Variants in EXOC6B observed in about 807,000 individuals in gnomAD.
EXOC6B encodes the protein SEC15 homolog B.
Under a neutral mutation model 113.5 loss-of-function variants are expected in EXOC6B, and 54 were observed. The observed-to-expected ratio is 0.48, with a 90% CI of 0.38 to 0.60. EXOC6B has a LOEUF of 0.60. EXOC6B is among the 20% of genes least tolerant of loss of function. EXOC6B has a pLI of 0.00. For synonymous variants in EXOC6B, 357 were observed against 339.0 expected (o/e 1.05, Z -0.58); for missense variants, 797 against 977.5 (o/e 0.82, Z 2.46).
At position 72,209,723 on chromosome 2, in the gene EXOC6B, T is replaced by G. The variant is rs1039712420; in HGVS notation, c.2197-25536A>C. Among the ~76,000 whole-genome samples the G allele has an allele frequency of 5.9e-5, 9 of 152,232 alleles. 1 individual carries two copies. Among genetic ancestry groups the G allele is most frequent in the Non-Finnish European group, 1.3e-4 (9 of 68,050 alleles). On this transcript the variant is annotated intron_variant, in intron 20 of 21. Transcript: ENST00000272427. ...AAAAACTGGGCTTTTGTTACATTTCTGATCACTATAGCATTTTTTGCTTAA... is the reference window on the plus strand; with the variant it reads ...AAAAACTGGGCTTTTGTTACATTTCGGATCACTATAGCATTTTTTGCTTAA...
chr2:72,783,186 G>T (rs990408669), intron 1 of EXOC6B, among the ~76,000 whole-genome samples: 53 of 142,946 alleles, frequency 3.7e-4, no homozygotes, highest in African/African-American at 6.8e-4. Context: ...GTTTGTTGGG[G>T]TTTTTTTTTT....
At position 72,642,300 on chromosome 2, in the gene EXOC6B, C is replaced by T. The variant is rs574565819; in HGVS notation, c.670-66632G>A. 4.9e-5 allele frequency among the ~76,000 whole-genome samples: 7 copies of T among 142,154 alleles called. No homozygotes were observed. In the East Asian group the frequency reaches 1.4e-3, roughly 29 times the overall value. 93.3% of individuals were successfully genotyped at this position (142,154 alleles called of 152,430 possible). A position where few individuals can be genotyped will look rare whatever the true frequency, so the allele number is the denominator to read the frequency against. On this transcript the variant is annotated intron_variant, in intron 6 of 21. Coordinates refer to ENST00000272427, the MANE Select transcript of EXOC6B (RefSeq NM_015189.3). ...TATGGAACCAAAAAAGAGCCCGCAT[C>T]GCCAAGTCAATCCTAAGCCAAAAGA...
intron 21 of EXOC6B, among the ~76,000 whole-genome samples, chr2:72,182,698 G>A (rs1678168693): frequency 6.6e-6 from 1 of 152,158 alleles, no homozygotes; most frequent in African/African-American, 2.4e-5. Flanking sequence ...GAATTAGTAA[G>A]CCAAGGGTCA....
chr2:72,686,502 A>G (rs1305862938), intron 6 of EXOC6B, among the ~76,000 whole-genome samples: 1 of 152,230 alleles, frequency 6.6e-6, no homozygotes, highest in African/African-American at 2.4e-5. Context: ...CAACTTATGA[A>G]TAAGGTACAG....
chr2:72,498,638 A>G (rs1700168376), intron 12 of EXOC6B, 87 bp from the exon 13 acceptor site: 3 of 708,356 alleles, frequency 4.2e-6, no homozygotes, highest in Non-Finnish European at 6.8e-6. Flanking sequence ...TGAGAGGGAT[A>G]AGATACTGAA....
At chr2:72,612,508 C>T (rs1671138435) in intron 6 of EXOC6B, among the ~76,000 whole-genome samples, 1 of 152,066 alleles carries the variant, frequency 6.6e-6, no homozygotes, top group East Asian at 1.9e-4. Flanking sequence ...AAAAAAATCA[C>T]ATTTTGAGAT....
intron 1 of EXOC6B, among the ~76,000 whole-genome samples, chr2:72,813,304 G>C (rs1686025061): frequency 1.3e-5 from 2 of 152,044 alleles, no homozygotes; most frequent in Admixed American, 1.3e-4. Flanking sequence ...GCCTAGGCTG[G>C]TCTCAAACTC....
At chr2:72,426,803 T>C (rs1695223501) in intron 18 of EXOC6B, among the ~76,000 whole-genome samples, 1 of 152,234 alleles carries the variant, frequency 6.6e-6, no homozygotes, top group African/African-American at 2.4e-5. Flanking sequence ...TTAGTTCAAA[T>C]ATTATCAATG....
rs1670143681 is a variant in EXOC6B at position 72,597,476 on chromosome 2, T to C, written c.670-21808A>G. ...TGCTGAGAGGGAAAATGGAATTCTATAAAATACTCAATTAAAAACCATAAA... is the reference window on the plus strand; with the variant it reads ...TGCTGAGAGGGAAAATGGAATTCTACAAAATACTCAATTAAAAACCATAAA... On this transcript the variant is annotated intron_variant, in intron 6 of 21. Transcript: ENST00000272427. 1.3e-5 allele frequency among the ~76,000 whole-genome samples: 2 copies of C among 151,696 alleles called. 1 individual carries two copies. The highest frequency in any genetic ancestry group is 4.2e-4 in the South Asian group (2 of 4,808).
chr2:72,384,077 A>T (rs1691850178), intron 18 of EXOC6B, among the ~76,000 whole-genome samples: 1 of 152,128 alleles, frequency 6.6e-6, no homozygotes, highest in South Asian at 2.1e-4. Context: ...TGATGACATA[A>T]TCTGTACACC....
At chr2:72,414,282 A>C (rs1227581055) in intron 18 of EXOC6B, among the ~76,000 whole-genome samples, 1 of 152,194 alleles carries the variant, frequency 6.6e-6, no homozygotes, top group Non-Finnish European at 1.5e-5. Context: ...ATTTTTCTAA[A>C]GTCCCATAAC....
At chr2:72,559,306 TG>T (rs1368333214) in intron 8 of EXOC6B, 146 bp downstream of exon 8, 1 of 468,268 alleles carries the variant, frequency 2.1e-6, no homozygotes, top group African/African-American at 2.0e-5. Context: ...GATTCAAAAT[TG>T]TTTTTTATAA....
intron 7 of EXOC6B, among the ~76,000 whole-genome samples, chr2:72,569,770 T>C (rs565807235): frequency 6.6e-6 from 1 of 152,296 alleles, no homozygotes; most frequent in East Asian, 1.9e-4. Context: ...TTACTGTCAA[T>C]AGAAAGTTTT....
At chr2:72,484,947 T>G (rs981786678) in intron 16 of EXOC6B, among the ~76,000 whole-genome samples, 2 of 152,224 alleles carry the variant, frequency 1.3e-5, no homozygotes, top group African/African-American at 4.8e-5. Context: ...TGTGTCTTTA[T>G]AGTAGAATGA....
intron 20 of EXOC6B, among the ~76,000 whole-genome samples, chr2:72,235,365 G>C (rs1022458142): frequency 6.6e-6 from 1 of 151,964 alleles, no homozygotes; most frequent in South Asian, 2.1e-4. Context: ...AAGTACACAC[G>C]GACACAAAGA....
At chr2:72,411,033 A>G (rs1034823021) in intron 18 of EXOC6B, among the ~76,000 whole-genome samples, 2 of 152,134 alleles carry the variant, frequency 1.3e-5, no homozygotes, top group African/African-American at 4.8e-5. Context: ...ACATAGTGAA[A>G]CCCTGTCTCT....
At chr2:72,755,446 C>T (rs1325528433) in intron 1 of EXOC6B, among the ~76,000 whole-genome samples, 1 of 152,112 alleles carries the variant, frequency 6.6e-6, no homozygotes, top group African/African-American at 2.4e-5. Flanking sequence ...CTGTATCCCA[C>T]AGAGAAAGCA....
At chr2:72,405,291 C>T (rs1558635692) in intron 18 of EXOC6B, among the ~76,000 whole-genome samples, 1 of 152,180 alleles carries the variant, frequency 6.6e-6, no homozygotes, top group Non-Finnish European at 1.5e-5. Flanking sequence ...GGATATTATC[C>T]AGGAGAACTT....
chr2:72,683,562 A>C (rs925470390), intron 6 of EXOC6B, among the ~76,000 whole-genome samples: 6 of 152,202 alleles, frequency 3.9e-5, no homozygotes, highest in African/African-American at 1.4e-4. Flanking sequence ...CTTTTTCAAC[A>C]AAATGTTAAC....
Sources: gnomAD v4.1 joint callset for allele counts (sites outside exome capture counted in the v4.1 genomes callset) on GRCh38, gnomAD v4.1.1 for gene constraint, MANE v1.5 for transcripts, NCBI Gene and HGNC (gene_info 2026-07-23, HGNC 2026-07-21) for gene names.